Variants in GREM2 observed in about 807,000 individuals in gnomAD.
GREM2 encodes gremlin-2.
Under a neutral mutation model 14.2 loss-of-function variants are expected in GREM2, and 11 were observed. The observed-to-expected ratio is 0.78, with a 90% confidence interval of 0.49 to 1.28. The LOEUF is 1.28. GREM2 is among the 50% of genes most tolerant of loss of function. The pLI, the probability that GREM2 is intolerant of heterozygous loss-of-function variation, is 0.00. For synonymous variants in GREM2, 98 were observed against 97.6 expected, an observed-to-expected ratio of 1.00 and a Z score of -0.02; for missense variants, 210 against 218.5, an observed-to-expected ratio of 0.96 and a Z score of 0.24.
chr1:240,550,030 A>AT (rs1198418524), intron 1 of GREM2: 2 of 151,954 alleles, frequency 1.3e-5, no homozygotes, highest in Non-Finnish European at 2.9e-5. Flanking sequence ...TATTTATTTT[A>AT]TTTTTTTTAA....
intron 1 of GREM2, among the ~76,000 whole-genome samples, chr1:240,581,507 A>G (rs1679484151): frequency 6.6e-6 from 1 of 152,188 alleles, no homozygotes; most frequent in Non-Finnish European, 1.5e-5. Flanking sequence ...CTATCTAAAT[A>G]TTTAGATGGG....
chr1:240,507,888 T>A (rs1357159759), intron 1 of GREM2, among the ~76,000 whole-genome samples: 3 of 152,192 alleles, frequency 2.0e-5, no homozygotes, highest in African/African-American at 7.2e-5. Context: ...TGATAAACCA[T>A]AATTTGTCTG....
At chr1:240,524,208 AAAT>A (rs1388410614) in intron 1 of GREM2, among the ~76,000 whole-genome samples, 1 of 152,228 alleles carries the variant, frequency 6.6e-6, no homozygotes, top group Non-Finnish European at 1.5e-5. Flanking sequence ...TAAAGACAAA[AAAT>A]AAAATGTTGC....
chr1:240,512,692 T>C (rs1265617284), intron 1 of GREM2, among the ~76,000 whole-genome samples: 1 of 152,262 alleles, frequency 6.6e-6, no homozygotes, highest in Non-Finnish European at 1.5e-5. Context: ...TTTGAAATGC[T>C]GTATTTTAAA....
chr1:240,515,771 T>C (rs1375895965), intron 1 of GREM2, among the ~76,000 whole-genome samples: 4 of 152,206 alleles, frequency 2.6e-5, no homozygotes, highest in African/African-American at 4.8e-5. Context: ...TGCATCATTA[T>C]CTTTTGTCTG....
chr1:240,506,586 AGTGAAGAAAAAAAGT>A (rs1677681084), intron 1 of GREM2, among the ~76,000 whole-genome samples: 1 of 152,202 alleles, frequency 6.6e-6, no homozygotes. Flanking sequence ...TTACGGGAAA[AGTGAAGAAAAAAAGT>A]GTTGAAAACG....
At chr1:240,510,175 C>A (rs573227977) in intron 1 of GREM2, among the ~76,000 whole-genome samples, 87 of 152,056 alleles carry the variant, frequency 5.7e-4, no homozygotes, top group African/African-American at 2.1e-3. Context: ...TGGGACCATC[C>A]TGGCTAACAC....
chr1:240,533,978 G>A (rs533740825), intron 1 of GREM2, among the ~76,000 whole-genome samples: 1 of 152,086 alleles, frequency 6.6e-6, no homozygotes, highest in African/African-American at 2.4e-5. Context: ...TGCTACTTTT[G>A]GTTGATATGT....
intron 1 of GREM2, among the ~76,000 whole-genome samples, chr1:240,602,998 G>C (rs58678582): frequency 6.6e-6 from 1 of 151,774 alleles, no homozygotes; most frequent in Non-Finnish European, 1.5e-5. Flanking sequence ...GCGTGAACCC[G>C]GGAGGTGGAG....
chr1:240,605,787 T>A (rs1433114465), intron 1 of GREM2, among the ~76,000 whole-genome samples: 1 of 152,034 alleles, frequency 6.6e-6, no homozygotes, highest in Non-Finnish European at 1.5e-5. Context: ...GAATGACAGA[T>A]AAATTTACAG....
intron 1 of GREM2, among the ~76,000 whole-genome samples, chr1:240,565,254 T>C (rs186956303): frequency 1.6e-4 from 24 of 152,270 alleles, no homozygotes; most frequent in African/African-American, 5.3e-4. Flanking sequence ...TATTCAAAAG[T>C]TATGCATGGT....
At chr1:240,596,111 G>A (rs1427099693) in intron 1 of GREM2, among the ~76,000 whole-genome samples, 1 of 152,140 alleles carries the variant, frequency 6.6e-6, no homozygotes, top group Admixed American at 6.5e-5. Context: ...TAGGCTGAAT[G>A]ATCGGTAGGC....
At chr1:240,505,146 T>A (rs766602259) in intron 1 of GREM2, among the ~76,000 whole-genome samples, 2 of 152,256 alleles carry the variant, frequency 1.3e-5, no homozygotes, top group Non-Finnish European at 2.9e-5. Context: ...GCTCTGGCCA[T>A]GTGAGAAGTG....
chr1:240,575,584 G>T (rs942029511), intron 1 of GREM2, among the ~76,000 whole-genome samples: 1 of 151,170 alleles, frequency 6.6e-6, no homozygotes, highest in African/African-American at 2.4e-5. Flanking sequence ...GTGGTGGCAC[G>T]ATCTTGGCTC....
At chr1:240,509,988 A>G (rs955767072) in intron 1 of GREM2, among the ~76,000 whole-genome samples, 40 of 152,218 alleles carry the variant, frequency 2.6e-4, no homozygotes, top group Non-Finnish European at 5.3e-4. Context: ...GCTACTGTAG[A>G]GCAAAGCTGA....
chr1:240,603,131 T>G (rs1052144648), intron 1 of GREM2, among the ~76,000 whole-genome samples: 3 of 152,068 alleles, frequency 2.0e-5, no homozygotes, highest in Non-Finnish European at 4.4e-5. Flanking sequence ...TGCGGTGCGG[T>G]GCGGAGCTAT....
At chr1:240,569,777 G>A (rs374348380) in intron 1 of GREM2, among the ~76,000 whole-genome samples, 5 of 152,304 alleles carry the variant, frequency 3.3e-5, no homozygotes, top group Admixed American at 1.3e-4. Context: ...TTGCGACCCT[G>A]TGTTAGGAGA....
chr1:240,521,436 TGAG>T (rs1678090739), intron 1 of GREM2, among the ~76,000 whole-genome samples: 1 of 151,168 alleles, frequency 6.6e-6, no homozygotes, highest in Admixed American at 6.6e-5. Context: ...CCGGGCATGG[TGAG>T]GGGCGACTGT....
intron 1 of GREM2, among the ~76,000 whole-genome samples, chr1:240,524,778 A>G (rs1008509127): frequency 1.3e-5 from 2 of 152,036 alleles, no homozygotes; most frequent in African/African-American, 2.4e-5. Context: ...CTTTTTTCCT[A>G]CCATGGTTTT....
Sources: gnomAD v4.1 joint callset for allele counts (sites outside exome capture counted in the v4.1 genomes callset) on GRCh38, gnomAD v4.1.1 for gene constraint, MANE v1.5 for transcripts, NCBI Gene and HGNC (gene_info 2026-07-23, HGNC 2026-07-21) for gene names.